Variants in SYNPR observed in about 807,000 individuals in gnomAD.
SYNPR encodes the protein synaptoporin.
In SYNPR, 23 loss-of-function variants were observed where a neutral mutation model predicts 32.9. The ratio of observed to expected loss-of-function variants is 0.70; its 90% confidence interval spans 0.50 to 0.99. The LOEUF (loss-of-function observed/expected upper bound fraction) is 0.99. Among genes scored for constraint, SYNPR ranks in the 50% least tolerant of loss-of-function variants. The pLI is 0.00. For missense variants in SYNPR, 318 were observed against 349.3 expected (o/e 0.91, Z 0.71); for synonymous variants, 146 against 135.9 (o/e 1.07, Z -0.52).
intron 4 of SYNPR, among the ~76,000 whole-genome samples, chr3:63,596,982 CA>C (rs1261083200): frequency 1.3e-5 from 2 of 151,814 alleles, no homozygotes; most frequent in Non-Finnish European, 2.9e-5. Context: ...GACTTAGTAT[CA>C]AAAAAGTAAA....
At chr3:63,375,576 T>C (rs1397603485) in intron 2 of SYNPR, among the ~76,000 whole-genome samples, 15 of 151,790 alleles carry the variant, frequency 9.9e-5, no homozygotes, top group Admixed American at 9.8e-4. Context: ...TGTCATAGAG[T>C]AGGGGCTGGG....
At chr3:63,389,888 T>C (rs753337360) in intron 2 of SYNPR, among the ~76,000 whole-genome samples, 1 of 152,246 alleles carries the variant, frequency 6.6e-6, no homozygotes, top group Non-Finnish European at 1.5e-5. Context: ...TAGTTGTTAA[T>C]GTATAAATAA....
chr3:63,396,804 C>G (rs1191021208), intron 2 of SYNPR, among the ~76,000 whole-genome samples: 1 of 152,168 alleles, frequency 6.6e-6, no homozygotes, highest in East Asian at 1.9e-4. Context: ...CAGCCTAAAA[C>G]TTTAAAAACA....
At chr3:63,391,400 C>T (rs1293793082) in intron 2 of SYNPR, among the ~76,000 whole-genome samples, 1 of 152,190 alleles carries the variant, frequency 6.6e-6, no homozygotes, top group Non-Finnish European at 1.5e-5. Flanking sequence ...GTGCCTTTCC[C>T]TGGATGAAGG....
chr3:63,263,737 C>G (rs1468890022), intron 2 of SYNPR, among the ~76,000 whole-genome samples: 2 of 152,170 alleles, frequency 1.3e-5, no homozygotes. Flanking sequence ...AGGACTTCTT[C>G]TTACCCTGGC....
intron 3 of SYNPR, among the ~76,000 whole-genome samples, chr3:63,547,186 T>C (rs1702422360): frequency 6.6e-6 from 1 of 152,176 alleles, no homozygotes; most frequent in Non-Finnish European, 1.5e-5. Flanking sequence ...TCAATAAAGA[T>C]ATCTTAGATA....
At chr3:63,224,883 G>T (rs931614379), upstream of SYNPR, among the ~76,000 whole-genome samples, 9 of 152,158 alleles carry the variant, frequency 5.9e-5, no homozygotes, top group African/African-American at 1.9e-4. Context: ...TTGCCTGGAC[G>T]ACATAGCATA....
chr3:63,555,218 C>T (rs887895320), intron 3 of SYNPR, among the ~76,000 whole-genome samples: 3 of 141,708 alleles, frequency 2.1e-5, no homozygotes, highest in Admixed American at 7.1e-5. Context: ...CTTGCCTGAG[C>T]GCTCTGGCTA....
intron 2 of SYNPR, chr3:63,330,333 G>A (rs958108351): frequency 6.6e-6 from 1 of 151,524 alleles, no homozygotes; most frequent in African/African-American, 2.4e-5. Context: ...ACTTGCTTAA[G>A]GAAAATAACA....
chr3:63,378,830 G>C (rs1484743050), intron 2 of SYNPR, among the ~76,000 whole-genome samples: 4 of 150,746 alleles, frequency 2.7e-5, no homozygotes, highest in African/African-American at 9.8e-5. Context: ...TCCTTGTCTT[G>C]GGTTTATTTT....
upstream of SYNPR, among the ~76,000 whole-genome samples, chr3:63,225,571 A>G (rs1285001748): frequency 6.6e-6 from 1 of 152,180 alleles, no homozygotes; most frequent in Non-Finnish European, 1.5e-5. Flanking sequence ...TTTGAAAGGA[A>G]AGGGAGCAGA....
intron 2 of SYNPR, among the ~76,000 whole-genome samples, chr3:63,350,549 C>T (rs995835409): frequency 6.6e-6 from 1 of 152,182 alleles, no homozygotes; most frequent in Non-Finnish European, 1.5e-5. Context: ...CATATGCACA[C>T]ATGCACTTTG....
intron 2 of SYNPR, among the ~76,000 whole-genome samples, chr3:63,356,325 G>A (rs2087576928): frequency 6.6e-6 from 1 of 152,148 alleles, no homozygotes; most frequent in East Asian, 1.9e-4. Context: ...CAGTCTACTT[G>A]GACAACTTCT....
chr3:63,240,008 G>A (rs1460587106), intron 1 of SYNPR, among the ~76,000 whole-genome samples: 2 of 152,132 alleles, frequency 1.3e-5, no homozygotes, highest in African/African-American at 4.8e-5. Context: ...ATCTCTATAA[G>A]GCTAAGTAAT....
intron 3 of SYNPR, among the ~76,000 whole-genome samples, chr3:63,499,851 T>C (rs549102533): frequency 8.8e-4 from 134 of 152,046 alleles, no homozygotes; most frequent in African/African-American, 2.9e-3. Context: ...AAGATTAGTA[T>C]GACAAATTCA....
chr3:63,409,014 C>T (rs1005500511), intron 2 of SYNPR, among the ~76,000 whole-genome samples: 1 of 152,070 alleles, frequency 6.6e-6, no homozygotes, highest in Admixed American at 6.6e-5. Context: ...CTCTTCCTCC[C>T]TTTTCTACCC....
chr3:63,325,707 A>T (rs1381216660), intron 2 of SYNPR, among the ~76,000 whole-genome samples: 2 of 151,806 alleles, frequency 1.3e-5, no homozygotes, highest in African/African-American at 4.8e-5. Context: ...TGGCTTAGGT[A>T]ACCTTGGAAA....
intron 2 of SYNPR, among the ~76,000 whole-genome samples, chr3:63,431,870 C>T (rs565297437): frequency 6.7e-6 from 1 of 149,304 alleles, no homozygotes; most frequent in East Asian, 2.0e-4. Context: ...GTGACTTAGA[C>T]CTTTCCAAAG....
chr3:63,324,598 T>C (rs1248704935), intron 2 of SYNPR, among the ~76,000 whole-genome samples: 1 of 152,130 alleles, frequency 6.6e-6, no homozygotes, highest in African/African-American at 2.4e-5. Context: ...GTGAGTGGTC[T>C]TGAAAGCCCA....
Sources: allele counts gnomAD v4.1 joint callset (sites outside exome capture counted in the v4.1 genomes callset), GRCh38; gene constraint gnomAD v4.1.1; transcripts MANE v1.5; gene names NCBI Gene and HGNC (gene_info 2026-07-23, HGNC 2026-07-21).